KCNK2: variants seen among roughly 807,000 people sequenced by gnomAD.
The protein encoded by KCNK2 is potassium two pore domain channel subfamily K member 2.
KCNK2 carries 21 observed loss-of-function variants against 40.5 expected under a neutral mutation model. The observed-to-expected ratio is 0.52, with a 90% CI of 0.37 to 0.75. The LOEUF (loss-of-function observed/expected upper bound fraction) is 0.75. Ranked by LOEUF, KCNK2 falls within the 30% of genes least tolerant of loss-of-function variation. KCNK2 has a pLI of 0.00. For missense variants in KCNK2, 399 were observed against 531.6 expected, an observed-to-expected ratio of 0.75 and a Z score of 2.45; for synonymous variants, 191 against 202.2, an observed-to-expected ratio of 0.94 and a Z score of 0.47.
chr1:215,094,046 A>C (rs754181100), intron 2 of KCNK2, among the ~76,000 whole-genome samples: 4 of 146,642 alleles, frequency 2.7e-5, no homozygotes, highest in Non-Finnish European at 5.9e-5. Flanking sequence ...TTACTTTTGC[A>C]CCAACCTAAT....
intron 2 of KCNK2, among the ~76,000 whole-genome samples, chr1:215,097,614 A>G (rs946987623): frequency 6.6e-6 from 1 of 151,906 alleles, no homozygotes; most frequent in African/African-American, 2.4e-5. Flanking sequence ...ATTTTCTCTA[A>G]TGGTTAGTAG....
chr1:215,076,276 A>T (rs547698132), intron 1 of KCNK2, among the ~76,000 whole-genome samples: 4 of 152,332 alleles, frequency 2.6e-5, no homozygotes, highest in African/African-American at 7.2e-5. Flanking sequence ...TTAGTTATCT[A>T]TTGGTGCATA....
At chr1:215,026,459 AT>A (rs1454944771) in intron 1 of KCNK2, among the ~76,000 whole-genome samples, 1 of 151,940 alleles carries the variant, frequency 6.6e-6, no homozygotes, top group African/African-American at 2.4e-5. Flanking sequence ...GGGTTTATTA[AT>A]TTTTTTAGAA....
chr1:215,055,380 A>G (rs1307301826), intron 1 of KCNK2, among the ~76,000 whole-genome samples: 1 of 152,204 alleles, frequency 6.6e-6, no homozygotes, highest in Non-Finnish European at 1.5e-5. Flanking sequence ...AAAAAGAACT[A>G]AAAAAGGAAT....
At chr1:215,227,867 T>C (rs974213556) in intron 6 of KCNK2, among the ~76,000 whole-genome samples, 1 of 152,052 alleles carries the variant, frequency 6.6e-6, no homozygotes, top group Non-Finnish European at 1.5e-5. Context: ...GAGTAAGAAC[T>C]TGATGTAAGA....
chr1:215,233,608 G>A (rs1228793157), intron 6 of KCNK2, among the ~76,000 whole-genome samples: 2 of 151,970 alleles, frequency 1.3e-5, no homozygotes, highest in East Asian at 3.9e-4. Flanking sequence ...TTCCTTTGTT[G>A]ATTTTTTAAA....
chr1:215,140,404 T>G (rs1296465190), intron 3 of KCNK2, among the ~76,000 whole-genome samples: 1 of 152,036 alleles, frequency 6.6e-6, no homozygotes, highest in Admixed American at 6.6e-5. Flanking sequence ...TCCTGAAAAA[T>G]GTGTCATTCA....
chr1:215,105,723 TA>T (rs1191624873), intron 2 of KCNK2, among the ~76,000 whole-genome samples: 1 of 152,072 alleles, frequency 6.6e-6, no homozygotes, highest in Non-Finnish European at 1.5e-5. Context: ...AATAGTTTTT[TA>T]ACCCCTGCCC....
chr1:215,180,574 C>A (rs79980768), intron 5 of KCNK2, among the ~76,000 whole-genome samples: 1 of 152,132 alleles, frequency 6.6e-6, no homozygotes, highest in African/African-American at 2.4e-5. Flanking sequence ...TCCCTTAATG[C>A]TTGCTTGTCT....
chr1:215,231,768 A>T (rs115373573), intron 6 of KCNK2, among the ~76,000 whole-genome samples: 1,608 of 152,290 alleles, frequency 0.011, 36 homozygotes, highest in African/African-American at 0.037. Context: ...ATAAAGAAAG[A>T]GATTTAATGG....
chr1:215,217,938 G>A (rs964168325), intron 6 of KCNK2, among the ~76,000 whole-genome samples: 9 of 152,124 alleles, frequency 5.9e-5, no homozygotes, highest in African/African-American at 2.2e-4. Flanking sequence ...TAAGCCCTCA[G>A]TGACAAGACT....
chr1:215,078,590 C>T (rs1048123125), upstream of KCNK2, among the ~76,000 whole-genome samples: 1 of 152,098 alleles, frequency 6.6e-6, no homozygotes, highest in Non-Finnish European at 1.5e-5. Flanking sequence ...ATGGGGGAAA[C>T]TGCCCCCATG....
chr1:215,044,261 A>G (rs1319653595), intron 1 of KCNK2, among the ~76,000 whole-genome samples: 1 of 152,212 alleles, frequency 6.6e-6, no homozygotes, highest in Non-Finnish European at 1.5e-5. Context: ...TTTCAGAAGC[A>G]GTATAAATAT....
intron 6 of KCNK2, 73 bp downstream of exon 6, chr1:215,195,165 G>A (rs1010187154): frequency 5.1e-6 from 6 of 1,182,200 alleles, no homozygotes; most frequent in Non-Finnish European, 7.0e-6. Flanking sequence ...TTATTTTTAT[G>A]TTTACATTTA....
rs965363591 is a variant in KCNK2 at position 215,236,373 on chromosome 1, G to A, written c.*1228G>A. ...CTAGCCTTCTGTGGGTATACTTTTGGAGTTGTGACTTGGCTGTGAGGGCAG... is the reference window on the plus strand; with the variant it reads ...CTAGCCTTCTGTGGGTATACTTTTGAAGTTGTGACTTGGCTGTGAGGGCAG... On this transcript the variant is annotated 3_prime_UTR_variant, in exon 7 of 7. Transcript: ENST00000444842. 1 of 152,566 alleles carries A rather than the reference G, an allele frequency of 6.6e-6. No individual in the cohort carries two copies. The highest frequency in any genetic ancestry group is 2.4e-5 in the African/African-American group (1 of 41,444). 9.5% of individuals were successfully genotyped at this position (152,566 alleles called of 1,614,324 possible).
intron 1 of KCNK2, among the ~76,000 whole-genome samples, chr1:215,035,463 C>A (rs1034828411): frequency 6.6e-6 from 1 of 151,974 alleles, no homozygotes; most frequent in Admixed American, 6.6e-5. Context: ...ATCTGTTCTC[C>A]TTTCCTATCG....
At chr1:215,030,506 A>T (rs1021344707) in intron 1 of KCNK2, among the ~76,000 whole-genome samples, 1 of 151,880 alleles carries the variant, frequency 6.6e-6, no homozygotes, top group South Asian at 2.1e-4. Flanking sequence ...TCAGTGTTTT[A>T]ATGATAATAA....
intron 5 of KCNK2, among the ~76,000 whole-genome samples, chr1:215,192,063 T>C (rs987566161): frequency 4.6e-5 from 7 of 152,192 alleles, no homozygotes; most frequent in African/African-American, 1.7e-4. Flanking sequence ...AGAAGTTTTT[T>C]AAAAGGTATT....
intron 5 of KCNK2, among the ~76,000 whole-genome samples, chr1:215,173,829 CTT>C (rs1163628175): frequency 4.6e-5 from 7 of 152,130 alleles, no homozygotes; most frequent in African/African-American, 1.7e-4. Flanking sequence ...TTGTTTTTCT[CTT>C]GTAAATTTGT....
Sources: allele counts gnomAD v4.1 joint callset (sites outside exome capture counted in the v4.1 genomes callset), GRCh38; gene constraint gnomAD v4.1.1; transcripts MANE v1.5; gene names NCBI Gene and HGNC (gene_info 2026-07-23, HGNC 2026-07-21).